FGD3: variants seen among roughly 807,000 people sequenced by gnomAD.
FGD3 encodes the protein FYVE, RhoGEF and PH domain-containing protein 3.
Under a neutral mutation model 71.8 loss-of-function variants are expected in FGD3, and 45 were observed. The observed-to-expected ratio is 0.63, with a 90% CI of 0.49 to 0.80. FGD3 has a LOEUF of 0.80. Ranked by LOEUF, FGD3 falls within the 30% of genes least tolerant of loss-of-function variation. FGD3 has a pLI of 0.00. For synonymous variants in FGD3, 378 were observed against 392.8 expected, an observed-to-expected ratio of 0.96 and a Z score of 0.44; for missense variants, 844 against 951.5, an observed-to-expected ratio of 0.89 and a Z score of 1.49.
At chr9:92,989,684 G>A (rs1860326880) in intron 3 of FGD3, among the ~76,000 whole-genome samples, 1 of 152,214 alleles carries the variant, frequency 6.6e-6, no homozygotes, top group Non-Finnish European at 1.5e-5. Context: ...GGAGCCGGTA[G>A]GCGAATAGTC....
At chr9:92,997,876 A>G (rs1007896549) in intron 3 of FGD3, among the ~76,000 whole-genome samples, 6 of 152,184 alleles carry the variant, frequency 3.9e-5, no homozygotes, top group African/African-American at 9.7e-5. Context: ...GGATAACCCA[A>G]CCTTTCTCTC....
rs762280368 is a variant in FGD3, at chr9:93,010,238, C to A, written c.838-8C>A. On this transcript the variant is annotated splice_polypyrimidine_tract_variant and splice_region_variant and intron_variant, in intron 6 of 17. Coordinates refer to ENST00000375482, the MANE Select transcript of FGD3 (RefSeq NM_001083536.2). ...TTGGAGTGCCCAATGCTCCCTCTGT[C>A]CCCACAGAAGCAGGAGGTATGCGGG... The A allele has an allele frequency of 7.5e-6, 12 of 1,602,488 alleles. No individual in the cohort carries two copies. The highest frequency in any genetic ancestry group is 9.4e-6 in the Non-Finnish European group (11 of 1,171,978).
chr9:92,952,705 C>T (rs1022764712), intron 1 of FGD3, among the ~76,000 whole-genome samples: 28 of 151,866 alleles, frequency 1.8e-4, no homozygotes, highest in African/African-American at 6.5e-4. Context: ...TTCTTTCTCT[C>T]TTTCCTTCTT....
chr9:92,967,031 G>A (rs34739544), intron 1 of FGD3, among the ~76,000 whole-genome samples: 48,813 of 150,098 alleles, frequency 0.33, 8,281 homozygotes, highest in Middle Eastern at 0.43. Flanking sequence ...GAGCCATCTC[G>A]GTTCACTGCA....
chr9:92,970,999 G>A (rs77163097), intron 1 of FGD3, among the ~76,000 whole-genome samples: 1 of 152,148 alleles, frequency 6.6e-6, no homozygotes, highest in South Asian at 2.1e-4. Context: ...TTAAAACAAC[G>A]CATACTCTGT....
intron 1 of FGD3, among the ~76,000 whole-genome samples, chr9:92,967,679 A>G (rs906597636): frequency 3.3e-5 from 5 of 152,102 alleles, no homozygotes; most frequent in Admixed American, 2.0e-4. Context: ...GGTTCAAGCT[A>G]TTCTCCTGCC....
At chr9:93,010,521 G>GACAGAC (rs1861279531) in intron 7 of FGD3, 137 bp downstream of exon 7, 1 of 877,068 alleles carries the variant, frequency 1.1e-6, no homozygotes, top group African/African-American at 1.7e-5. Flanking sequence ...GAGGGAAAGA[G>GACAGAC]ACAGAGACAG....
At chr9:92,965,967 C>T (rs957683533) in intron 1 of FGD3, among the ~76,000 whole-genome samples, 1 of 152,106 alleles carries the variant, frequency 6.6e-6, no homozygotes, top group Non-Finnish European at 1.5e-5. Flanking sequence ...AAGCATGTGC[C>T]GAAAACAATG....
intron 1 of FGD3, among the ~76,000 whole-genome samples, chr9:92,965,307 C>T (rs573450027): frequency 2.6e-5 from 4 of 152,324 alleles, no homozygotes; most frequent in South Asian, 4.1e-4. Context: ...ACACCCAGGG[C>T]GGATGCTGGT....
intron 3 of FGD3, among the ~76,000 whole-genome samples, chr9:92,996,951 C>A (rs982285752): frequency 3.3e-5 from 5 of 152,170 alleles, no homozygotes; most frequent in Non-Finnish European, 4.4e-5. Context: ...AATTTATATT[C>A]TGTTGATCTG....
At chr9:92,959,161 G>A (rs1325562838) in intron 1 of FGD3, among the ~76,000 whole-genome samples, 2 of 151,896 alleles carry the variant, frequency 1.3e-5, no homozygotes, top group African/African-American at 2.4e-5. Context: ...GGGTTTCACC[G>A]TGCTGCCCAG....
At chr9:92,997,244 T>G (rs1382680306) in intron 3 of FGD3, among the ~76,000 whole-genome samples, 2 of 152,240 alleles carry the variant, frequency 1.3e-5, no homozygotes, top group African/African-American at 2.4e-5. Flanking sequence ...CTTCTTTGTC[T>G]CTTTTGATCT....
chr9:93,014,091 G>A, intron 9 of FGD3, 93 bp downstream of exon 9: 1 of 1,454,286 alleles, frequency 6.9e-7, no homozygotes, highest in South Asian at 1.4e-5. Context: ...GCTGCCCAAG[G>A]ACATGGCTCT....
intron 1 of FGD3, among the ~76,000 whole-genome samples, chr9:92,973,823 TTC>T (rs968200786): frequency 2.0e-5 from 3 of 151,938 alleles, no homozygotes; most frequent in East Asian, 1.9e-4. Context: ...GATCTCTGGG[TTC>T]TCTCTCTCTC....
intron 3 of FGD3, among the ~76,000 whole-genome samples, chr9:92,987,027 C>A (rs1045786580): frequency 3.3e-5 from 5 of 152,218 alleles, no homozygotes; most frequent in African/African-American, 1.2e-4. Context: ...AAGAGGCAGA[C>A]TTGCCTCCGA....
intron 15 of FGD3, among the ~76,000 whole-genome samples, chr9:93,031,244 G>A (rs368250157): frequency 3.3e-5 from 5 of 152,198 alleles, no homozygotes; most frequent in African/African-American, 1.2e-4. Flanking sequence ...CTCAAACCTG[G>A]TTTCCCCATC....
intron 3 of FGD3, among the ~76,000 whole-genome samples, chr9:92,993,473 ATTAT>A (rs1860500586): frequency 6.6e-6 from 1 of 151,618 alleles, no homozygotes; most frequent in African/African-American, 2.4e-5. Context: ...TTTCTTTTTT[ATTAT>A]TATTATACTT....
In FGD3 at chr9:93,020,388, C is replaced by A; in HGVS notation, c.1458C>A (p.Ser486Arg). 1 of 1,613,572 alleles carries A rather than the reference C, an allele frequency of 6.2e-7. No homozygotes were observed. Among genetic ancestry groups the A allele is most frequent in the Non-Finnish European group, 8.5e-7 (1 of 1,179,936 alleles). ...TCAAGGCTTTTGGTGGCGCCTTCAG[C>A]CAGGATGAGGACCCCAGCCTCTCTC... ...ETFKAFGGAF[S>R]QDEDPSLSPD... The change falls in exon 13 of 18, where the codon AGC becomes AGA. Residue 486 changes from serine to arginine, a missense_variant. Transcript: ENST00000375482.
chr9:93,012,026 C>T lies in FGD3; in HGVS notation c.1035+754C>T, dbSNP rs1422489510. 2.1e-4 allele frequency among the ~76,000 whole-genome samples: 31 copies of T among 148,134 alleles called. 1 individual carries two copies. The highest frequency in any genetic ancestry group is 3.7e-3 in the Middle Eastern group (1 of 268). On this transcript the variant is annotated intron_variant, in intron 8 of 17. Coordinates refer to ENST00000375482, the MANE Select transcript of FGD3 (RefSeq NM_001083536.2). ...ACAAAAAATTGGGCATGGTGGCAGG[C>T]GACTGTAGTCCCAGCTACTCAGGAG...
Sources: allele counts gnomAD v4.1 joint callset (sites outside exome capture counted in the v4.1 genomes callset), GRCh38; gene constraint gnomAD v4.1.1; transcripts MANE v1.5; gene names NCBI Gene and HGNC (gene_info 2026-07-23, HGNC 2026-07-21).